The following GABRB2 variants were observed in gnomAD, a reference collection of about 807,000 sequenced individuals.
The protein encoded by GABRB2 is gamma-aminobutyric acid receptor subunit beta-2.
A neutral mutation model predicts 54.7 loss-of-function variants in GABRB2; 16 were observed. The ratio of observed to expected loss-of-function variants is 0.29; its 90% CI spans 0.20 to 0.44. The LOEUF is 0.44. GABRB2 is among the 20% of genes least tolerant of loss of function. The pLI is 1.00. For synonymous variants in GABRB2, 244 were observed against 233.8 expected, an observed-to-expected ratio of 1.04 and a Z score of -0.40; for missense variants, 355 against 644.0, an observed-to-expected ratio of 0.55 and a Z score of 4.86.
chr5:161,421,856 T>A (rs1756864029), intron 4 of GABRB2, among the ~76,000 whole-genome samples: 1 of 152,148 alleles, frequency 6.6e-6, no homozygotes, highest in South Asian at 2.1e-4. Context: ...AAATTTTCTA[T>A]AACATAAAAT....
At chr5:161,528,176 A>C (rs1760340802) in intron 3 of GABRB2, among the ~76,000 whole-genome samples, 1 of 151,786 alleles carries the variant, frequency 6.6e-6, no homozygotes. Context: ...TAAGAGCAAA[A>C]ATCATATTTG....
At chr5:161,356,561 G>A (rs1754633609) in intron 5 of GABRB2, among the ~76,000 whole-genome samples, 1 of 152,134 alleles carries the variant, frequency 6.6e-6, no homozygotes, top group Admixed American at 6.6e-5. Context: ...TCAAAATATT[G>A]AGAGAGTGAG....
intron 4 of GABRB2, among the ~76,000 whole-genome samples, chr5:161,442,876 T>C (rs749043129): frequency 1.5e-4 from 23 of 152,204 alleles, no homozygotes; most frequent in Non-Finnish European, 2.5e-4. Flanking sequence ...CCCAAATCTC[T>C]CTTGATTCAG....
At chr5:161,393,319 A>AGCCAC in intron 5 of GABRB2, among the ~76,000 whole-genome samples, 1 of 106,972 alleles carries the variant, frequency 9.3e-6, no homozygotes, top group African/African-American at 4.9e-5. Context: ...AAAAAAAAAA[A>AGCCAC]AAAAAAAAAA....
At chr5:161,330,105 T>A (rs577155494) in intron 8 of GABRB2, 1 of 135,620 alleles carries the variant, frequency 7.4e-6, no homozygotes, top group African/African-American at 2.5e-5. Flanking sequence ...GGCTTCAGTA[T>A]TTTTTTTTAA....
At chr5:161,433,050 T>C (rs1253362504) in intron 4 of GABRB2, among the ~76,000 whole-genome samples, 9 of 152,104 alleles carry the variant, frequency 5.9e-5, no homozygotes, top group African/African-American at 1.7e-4. Flanking sequence ...TGCTCTTCAA[T>C]GTGTGAGCAA....
chr5:161,499,176 C>T (rs953221631), intron 3 of GABRB2, among the ~76,000 whole-genome samples: 12 of 152,086 alleles, frequency 7.9e-5, no homozygotes, highest in Non-Finnish European at 1.8e-4. Flanking sequence ...TGCCGGACTT[C>T]GTAGCCCCCA....
chr5:161,388,648 G>A (rs1755721753), intron 5 of GABRB2, among the ~76,000 whole-genome samples: 1 of 151,798 alleles, frequency 6.6e-6, no homozygotes. Context: ...AATTCTTAAT[G>A]CACTTAATAA....
At position 161,474,132 on chromosome 5, in the gene GABRB2, C is replaced by A. The variant is rs182441307; in HGVS notation, c.238-14288G>T. 6.0e-4 allele frequency among the ~76,000 whole-genome samples: 92 copies of A among 152,074 alleles called. No homozygotes were observed. The East Asian group carries it at 0.015, about 24-fold the overall frequency. ...CAGGGATGGATTGGGAAGAGACCAG[C>A]TCTAAGCATCTTATAATGTATTTTT... On this transcript the variant is annotated intron_variant, in intron 3 of 9. Transcript: ENST00000393959.
intron 4 of GABRB2, among the ~76,000 whole-genome samples, chr5:161,423,532 T>C (rs764405464): frequency 6.6e-6 from 1 of 152,184 alleles, no homozygotes; most frequent in Non-Finnish European, 1.5e-5. Context: ...ATCAGTGCTT[T>C]TTGACATTAC....
chr5:161,463,551 TTATTTATATATATATATATA>T (rs1185861800), intron 3 of GABRB2, among the ~76,000 whole-genome samples: 31 of 30,264 alleles, frequency 1.0e-3, no homozygotes, highest in East Asian at 1.7e-3. Context: ...CCAAATATTT[TTATTTATATATATATATATA>T]TATATATATA....
At chr5:161,504,174 T>C (rs997285643) in intron 3 of GABRB2, among the ~76,000 whole-genome samples, 2 of 152,146 alleles carry the variant, frequency 1.3e-5, no homozygotes, top group Non-Finnish European at 2.9e-5. Context: ...AAGAAGGATA[T>C]TGAAGATGTG....
At chr5:161,437,980 T>C (rs1278163092) in intron 4 of GABRB2, among the ~76,000 whole-genome samples, 1 of 152,180 alleles carries the variant, frequency 6.6e-6, no homozygotes, top group East Asian at 1.9e-4. Flanking sequence ...CTTGCTGCCC[T>C]GAAGGGAAAG....
rs1757183662 is a variant in GABRB2, at chr5:161,289,698, C to T, written c.*4383G>A. ...CCAATTGCCATTTCAAAGGCTATCT[C>T]TTGTTTGTTATATTGACTACATAAA... is the stretch of plus-strand genomic sequence containing the variant. On this transcript the variant is annotated 3_prime_UTR_variant, in exon 10 of 10. Transcript: ENST00000393959. The T allele has an allele frequency of 6.6e-6, 1 of 151,952 alleles. No individual in the cohort carries two copies. The highest frequency in any genetic ancestry group is 2.4e-5 in the African/African-American group (1 of 41,368). 9.4% of individuals were successfully genotyped at this position (151,952 alleles called of 1,614,324 possible).
At chr5:161,299,715 A>G (rs1202380189) in intron 9 of GABRB2, among the ~76,000 whole-genome samples, 17 of 151,192 alleles carry the variant, frequency 1.1e-4, no homozygotes. Context: ...TTCTTAAGCC[A>G]GTATTACTTT....
chr5:161,291,786 T>C lies in GABRB2; in HGVS notation c.*2295A>G, dbSNP rs1022992934. On this transcript the variant is annotated 3_prime_UTR_variant, in exon 10 of 10. Coordinates refer to ENST00000393959, the MANE Select transcript of GABRB2 (RefSeq NM_001371727.1). ...TGCACATAAGAGCCCACTTCTACAC[T>C]TGGGCTCTGAGTTGACTCTAGAAGA... The C allele has an allele frequency of 6.6e-6, 1 of 152,612 alleles. No homozygotes were observed. The highest frequency in any genetic ancestry group is 2.4e-5 in the African/African-American group (1 of 41,454). The allele number at this position is 152,612 out of a possible 1,614,324, so 9.5% of individuals were successfully genotyped here.
intron 5 of GABRB2, among the ~76,000 whole-genome samples, chr5:161,348,875 C>T (rs1754390018): frequency 6.6e-6 from 1 of 151,854 alleles, no homozygotes; most frequent in Non-Finnish European, 1.5e-5. Flanking sequence ...TGAAGTGGAG[C>T]TTGTATATTT....
chr5:161,408,594 C>T (rs1756413191), intron 5 of GABRB2, among the ~76,000 whole-genome samples: 1 of 151,982 alleles, frequency 6.6e-6, no homozygotes, highest in Non-Finnish European at 1.5e-5. Flanking sequence ...CCTGAACTGA[C>T]CCAATGTATT....
intron 5 of GABRB2, among the ~76,000 whole-genome samples, chr5:161,368,347 AC>A (rs1165075034): frequency 6.6e-6 from 1 of 151,930 alleles, no homozygotes; most frequent in Non-Finnish European, 1.5e-5. Flanking sequence ...TTGAGGAGAG[AC>A]CTCTGTGTCA....
Sources: gnomAD v4.1 joint callset for allele counts (sites outside exome capture counted in the v4.1 genomes callset) on GRCh38, gnomAD v4.1.1 for gene constraint, MANE v1.5 for transcripts, NCBI Gene and HGNC (gene_info 2026-07-23, HGNC 2026-07-21) for gene names.